ZNF98: variants seen among roughly 807,000 people sequenced by gnomAD.
The protein encoded by ZNF98 is zinc finger protein 739.
Under a neutral mutation model 12.8 loss-of-function variants are expected in ZNF98, and 8 were observed. That is an observed-to-expected ratio of 0.63 (90% CI 0.37 to 1.13). The LOEUF (loss-of-function observed/expected upper bound fraction) is 1.13. Ranked by LOEUF, ZNF98 falls within the 50% of genes most tolerant of loss-of-function variation. The pLI, the probability that ZNF98 is intolerant of heterozygous loss-of-function variation, is 0.01. For missense variants in ZNF98, 379 were observed against 666.1 expected, an observed-to-expected ratio of 0.57 and a Z score of 4.74; for synonymous variants, 112 against 223.5, an observed-to-expected ratio of 0.50 and a Z score of 4.45.
intron 3 of ZNF98, among the ~76,000 whole-genome samples, chr19:22,396,650 AT>A (rs1366015010): frequency 6.6e-6 from 1 of 152,178 alleles, no homozygotes; most frequent in Admixed American, 6.5e-5. Flanking sequence ...AGATCTAATG[AT>A]AAAAAACACT....
At chr19:22,416,272 C>T (rs1197581135) in intron 1 of ZNF98, among the ~76,000 whole-genome samples, 1 of 150,398 alleles carries the variant, frequency 6.6e-6, no homozygotes, top group Non-Finnish European at 1.5e-5. Context: ...AGATCGAGAC[C>T]ATCTGGGCTA....
At chr19:22,407,441 C>T (rs146825006) in intron 1 of ZNF98, among the ~76,000 whole-genome samples, 2,296 of 146,618 alleles carry the variant, frequency 0.016, 71 homozygotes, top group African/African-American at 0.054. Flanking sequence ...CGGCTGGGCA[C>T]GGTGGCTCAC....
intron 3 of ZNF98, among the ~76,000 whole-genome samples, chr19:22,399,251 T>C (rs1376615271): frequency 6.6e-6 from 1 of 152,168 alleles, no homozygotes; most frequent in African/African-American, 2.4e-5. Flanking sequence ...AAGGTGGCTA[T>C]TTTGAATCAT....
chr19:22,406,101 C>T (rs1365585849), intron 1 of ZNF98, among the ~76,000 whole-genome samples: 12 of 152,080 alleles, frequency 7.9e-5, no homozygotes, highest in Non-Finnish European at 1.5e-4. Context: ...GTGAAGCATA[C>T]CCCCTCCACC....
rs1266706579 is a variant in ZNF98 at position 22,397,211 on chromosome 19, T to TG, written c.254-4231_254-4230insC. ...ACATCTGTGTGTGTGTGTGTGTGTT[T>TG]TTGTGTGTGTGTGTGTGTGTGTGTA... On this transcript the variant is annotated intron_variant, in intron 3 of 3. Transcript: ENST00000357774. Among the ~76,000 whole-genome samples, 113 of 79,654 alleles carry TG rather than the reference T, an allele frequency of 1.4e-3. No homozygotes were observed. In the Middle Eastern group the frequency reaches 0.021, roughly 15 times the overall value. 52.3% of individuals were successfully genotyped at this position (79,654 alleles called of 152,430 possible).
intron 1 of ZNF98, among the ~76,000 whole-genome samples, chr19:22,409,511 GA>G (rs1969557870): frequency 6.6e-6 from 1 of 152,028 alleles, no homozygotes; most frequent in Admixed American, 6.6e-5. Flanking sequence ...GCAACCTACA[GA>G]ATAGGAGAAA....
intron 1 of ZNF98, among the ~76,000 whole-genome samples, chr19:22,407,098 C>G (rs1399536279): frequency 2.6e-5 from 4 of 151,346 alleles, no homozygotes; most frequent in African/African-American, 9.7e-5. Flanking sequence ...ACTCTGTCGC[C>G]CAGGCTGGAG....
rs61327036 is a variant in ZNF98, at chr19:22,412,640, TAA to T, written c.31-9130_31-9129del. 7.9e-5 allele frequency among the ~76,000 whole-genome samples: 11 copies of T among 139,508 alleles called. No homozygotes were observed. The South Asian group carries it at 9.4e-4, about 12-fold the overall frequency. The allele number at this position is 139,508 out of a possible 152,430, so 91.5% of individuals were successfully genotyped here. A position where few individuals can be genotyped will look rare whatever the true frequency, so the allele number is the denominator to read the frequency against. The stretch of plus-strand genomic sequence containing the variant: ...ATCAAGAATTGCAGGAGTAAAATCT[TAA>T]AAAAAAAAAAAAAGATAAATTCTCA... On this transcript the variant is annotated intron_variant, in intron 1 of 3. Transcript: ENST00000357774.
chr19:22,415,518 A>G (rs1599390763), intron 1 of ZNF98, among the ~76,000 whole-genome samples: 1 of 152,142 alleles, frequency 6.6e-6, no homozygotes, highest in East Asian at 1.9e-4. Context: ...CACACCTGTA[A>G]TCTCAGCACT....
At chr19:22,411,548 A>G (rs1184486399) in intron 1 of ZNF98, among the ~76,000 whole-genome samples, 1 of 152,354 alleles carries the variant, frequency 6.6e-6, no homozygotes, top group East Asian at 1.9e-4. Flanking sequence ...AATTAAAAAA[A>G]TAAATCTTTG....
chr19:22,402,573 G>T (rs998261361), intron 3 of ZNF98: 15 of 502,416 alleles, frequency 3.0e-5, no homozygotes, highest in Non-Finnish European at 5.0e-5. Flanking sequence ...ACCTGAAGAA[G>T]ATCACCAAAG....
chr19:22,412,507 G>C (rs567132295), intron 1 of ZNF98, among the ~76,000 whole-genome samples: 14 of 152,114 alleles, frequency 9.2e-5, no homozygotes, highest in African/African-American at 3.1e-4. Context: ...ATAAGTAAAA[G>C]GCTGAGAGAA....
rs11669353 is a variant in ZNF98 at position 22,422,301 on chromosome 19, G to C, written c.-77C>G. 0.43 allele frequency: 682,265 copies of C among 1,572,528 alleles called. 151,883 individuals are homozygous for C. The highest frequency in any genetic ancestry group is 0.47 in the Non-Finnish European group (536,135 of 1,145,908). ...CCTCTACGAGCAGAGGACACAGAAG[G>C]GCGAAGACGAGACCAGGAACTCCGG... On this transcript the variant is annotated 5_prime_UTR_variant, in exon 1 of 4. Coordinates refer to ENST00000357774, the MANE Select transcript of ZNF98 (RefSeq NM_001098626.2).
At chr19:22,414,577 T>C (rs1378606088) in intron 1 of ZNF98, among the ~76,000 whole-genome samples, 1 of 152,042 alleles carries the variant, frequency 6.6e-6, no homozygotes. Context: ...GAGCCCATAA[T>C]AATACCACAC....
rs8112912 is a variant in ZNF98, at chr19:22,393,688, A to G, written c.254-707T>C. Among the ~76,000 whole-genome samples, 961 of 152,102 alleles carry G rather than the reference A, an allele frequency of 6.3e-3. 12 individuals are homozygous for G. Among genetic ancestry groups the G allele is most frequent in the African/African-American group, 0.022 (910 of 41,488 alleles). On this transcript the variant is annotated intron_variant, in intron 3 of 3. Coordinates refer to ENST00000357774, the MANE Select transcript of ZNF98 (RefSeq NM_001098626.2). ...ACACCTTATACAAAAATTAATTCAA[A>G]ATGGATTAAAGACTTAAATATTAGA...
At position 22,413,851 on chromosome 19, in the gene ZNF98, AAG is replaced by A; in HGVS notation, c.30+8342_30+8343del. On this transcript the variant is annotated intron_variant, in intron 1 of 3. Transcript: ENST00000357774. ...GCCATTGCACTCCAACCTGGGCAAA[AAG>A]AGCAAAACTCCGTCTCAAAAAAAAA... is the stretch of plus-strand genomic sequence containing the variant. Among the ~76,000 whole-genome samples the A allele has an allele frequency of 2.7e-5, 4 of 149,440 alleles. No individual in the cohort carries two copies. In the Admixed American group the frequency reaches 2.7e-4, roughly 10 times the overall value.
At chr19:22,417,161 G>A (rs12971375) in intron 1 of ZNF98, among the ~76,000 whole-genome samples, 59,751 of 146,808 alleles carry the variant, frequency 0.41, 12,356 homozygotes, top group Non-Finnish European at 0.46. Context: ...CCCAGGAAGC[G>A]GAGGTTGCGG....
intron 3 of ZNF98, among the ~76,000 whole-genome samples, chr19:22,400,298 C>G (rs913932934): frequency 1.3e-5 from 2 of 152,152 alleles, no homozygotes; most frequent in African/African-American, 4.8e-5. Flanking sequence ...CAGTTCATGG[C>G]AAGTTCTGCC....
intron 3 of ZNF98, among the ~76,000 whole-genome samples, chr19:22,398,647 G>C (rs924183262): frequency 4.7e-5 from 7 of 150,216 alleles, no homozygotes; most frequent in Admixed American, 4.0e-4. Flanking sequence ...GAACCACCAC[G>C]ACTGGCCATG....
Sources: gnomAD v4.1 joint callset for allele counts (sites outside exome capture counted in the v4.1 genomes callset) on GRCh38, gnomAD v4.1.1 for gene constraint, MANE v1.5 for transcripts, NCBI Gene and HGNC (gene_info 2026-07-23, HGNC 2026-07-21) for gene names.